Variants in DOCK6 observed in about 807,000 individuals in gnomAD.
DOCK6 encodes dedicator of cytokinesis 6.
DOCK6 carries 167 observed loss-of-function variants against 230.3 expected under a neutral mutation model. The observed-to-expected ratio is 0.73, with a 90% CI of 0.64 to 0.82. The LOEUF (loss-of-function observed/expected upper bound fraction) is 0.82, where lower values mean the gene tolerates loss of function less well. Ranked by LOEUF, DOCK6 falls within the 40% of genes least tolerant of loss-of-function variation. The pLI is 0.00. For missense variants in DOCK6, 2,598 were observed against 2,825.8 expected (o/e 0.92, Z 1.83); for synonymous variants, 1,148 against 1,185.0 (o/e 0.97, Z 0.64).
At position 11,215,386 on chromosome 19, in the gene DOCK6, C is replaced by T. The variant is rs1192375765; in HGVS notation, c.4106+1G>A. The T allele has an allele frequency of 2.5e-6, 4 of 1,613,344 alleles. No individual in the cohort carries two copies. Among genetic ancestry groups the T allele is most frequent in the Non-Finnish European group, 3.4e-6 (4 of 1,179,704 alleles). On this transcript the variant is annotated splice_donor_variant, in intron 32 of 47. Transcript: ENST00000294618. LOFTEE classifies it high-confidence loss of function. ...GCAGACACCCTCCTGCCCACACCTACTTGTCCACGCGGTCTGAGGTTTGCT... is the reference window on the plus strand; with the variant it reads ...GCAGACACCCTCCTGCCCACACCTATTTGTCCACGCGGTCTGAGGTTTGCT...
At position 11,237,773 on chromosome 19, in the gene DOCK6, G is replaced by A. The variant is rs374861502; in HGVS notation, c.1839C>T (p.Pro613=). The A allele has an allele frequency of 5.9e-5, 92 of 1,566,486 alleles. No individual in the cohort carries two copies. Among genetic ancestry groups the A allele is most frequent in the African/African-American group, 6.8e-5 (5 of 73,734 alleles). Residue 613 remains proline (P), a synonymous_variant, in exon 17 of 48, where the codon CCC becomes CCT. Coordinates refer to ENST00000294618, the MANE Select transcript of DOCK6 (RefSeq NM_020812.4). ...GCAGCTTGAACTCCTCGTAGAACTC[G>A]GGGGACCTGGCAGAATCGGGCTGGG... ...FTPVVYHNKS[P]EFYEEFKLHL... is the part of the protein sequence containing the mutation.
chr19:11,247,882 A>G (rs1291464196), intron 7 of DOCK6, 184 bp downstream of exon 7: 1 of 590,472 alleles, frequency 1.7e-6, no homozygotes, highest in Non-Finnish European at 3.1e-6. Flanking sequence ...TTGGCACTTA[A>G]GGATTGGAGA....
At position 11,243,559 on chromosome 19, in the gene DOCK6, C is replaced by G. The variant is rs775121579; in HGVS notation, c.1256G>C (p.Gly419Ala). Residue 419 changes from glycine to alanine, a missense_variant and splice_region_variant, in exon 11 of 48, where the codon GGC becomes GCC. Transcript: ENST00000294618. The surrounding 1 kb of genome is among the most constrained non-coding windows in gnomAD (Gnocchi z 6.3). Reference protein sequence around the residue: ...GQLDRDSDSEGERRPAWTDRR... With the variant: ...GQLDRDSDSEAERRPAWTDRR... ...GCCTGTTAGCCCCGCCTCCTCACCG[C>G]CCTCCGAGTCAGAGTCCCGGTCCAG... is the stretch of plus-strand genomic sequence containing the variant. The G allele has an allele frequency of 6.2e-7, 1 of 1,600,702 alleles. No individual in the cohort carries two copies. The highest frequency in any genetic ancestry group is 1.3e-5 in the African/African-American group (1 of 74,608).
At chr19:11,255,895 T>C (rs1462435944) in intron 1 of DOCK6, among the ~76,000 whole-genome samples, 1 of 152,192 alleles carries the variant, frequency 6.6e-6, no homozygotes, top group Non-Finnish European at 1.5e-5. Flanking sequence ...CACGCCATTC[T>C]CCTGCCTCAG....
At chr19:11,215,322 A>G in intron 32 of DOCK6, 65 bp downstream of exon 32, 7 of 1,460,344 alleles carry the variant, frequency 4.8e-6, no homozygotes, top group Non-Finnish European at 6.7e-6. Context: ...CCTGGACTCA[A>G]GCAATCCTCC....
intron 9 of DOCK6, among the ~76,000 whole-genome samples, chr19:11,244,548 C>T (rs1438528500): frequency 1.4e-5 from 2 of 146,398 alleles, no homozygotes; most frequent in Non-Finnish European, 3.0e-5. Flanking sequence ...GCAACCTCTG[C>T]CTCCCGGGTT....
chr19:11,232,789 A>C (rs934380619), intron 22 of DOCK6, among the ~76,000 whole-genome samples: 20 of 150,978 alleles, frequency 1.3e-4, no homozygotes, highest in Admixed American at 2.6e-4. Flanking sequence ...AGGTATATGC[A>C]TGTGGGGGTG....
chr19:11,230,112 T>C (rs1455577074), intron 22 of DOCK6, among the ~76,000 whole-genome samples: 2 of 147,848 alleles, frequency 1.4e-5, no homozygotes, highest in Non-Finnish European at 3.0e-5. Context: ...GGCAGGTAGA[T>C]CACGAGGTCA....
chr19:11,253,670 T>TG lies in DOCK6; in HGVS notation c.100dup (p.His34ProfsTer16). 3 of 1,458,618 alleles carry TG rather than the reference T, an allele frequency of 2.1e-6. No homozygotes were observed. The highest frequency in any genetic ancestry group is 2.7e-6 in the Non-Finnish European group (3 of 1,111,626). The allele number at this position is 1,458,618 out of a possible 1,614,324, so 90.4% of individuals were successfully genotyped here. ...GGAGCTGCTGCAGCGCCTGCTGGAG[T>TG]GGGGGGAGCCACTGCGTTCCCGGGA... On this transcript the variant is annotated frameshift_variant, in exon 2 of 48. Transcript: ENST00000294618. LOFTEE classifies it high-confidence loss of function.
intron 22 of DOCK6, 101 bp downstream of exon 22, chr19:11,233,102 C>T (rs1599250255): frequency 7.6e-6 from 11 of 1,450,952 alleles, no homozygotes; most frequent in East Asian, 7.4e-5. Context: ...TTCACGTTGT[C>T]GTCTCTGTTG....
chr19:11,209,051 T>G lies in DOCK6; in HGVS notation c.4804A>C (p.Asn1602His). Reference sequence around the variant, plus strand: ...AGCTCCGCGTGCTTCCCGGCCATGTTCTGCAACCAGGTCAGCCGAAGGTCC... The same window carrying G: ...AGCTCCGCGTGCTTCCCGGCCATGTGCTGCAACCAGGTCAGCCGAAGGTCC... ...SPDLRLTWLQ[N>H]MAGKHAELGN... The change falls in exon 38 of 48, where the codon AAC becomes CAC. Residue 1602 changes from asparagine (N) to histidine (H), a missense_variant. Physicochemically the swap from Asn to His is moderately conservative, Grantham distance 68. Transcript: ENST00000294618. 1 of 1,612,424 alleles carries G rather than the reference T, an allele frequency of 6.2e-7. No individual in the cohort carries two copies. The highest frequency in any genetic ancestry group is 8.5e-7 in the Non-Finnish European group (1 of 1,179,494).
chr19:11,261,389 G>A (rs1167308499), intron 1 of DOCK6, among the ~76,000 whole-genome samples: 1 of 125,900 alleles, frequency 7.9e-6, no homozygotes, highest in Non-Finnish European at 1.6e-5. Context: ...TACAGCACTT[G>A]TCACTGACAG....
chr19:11,201,999 C>T lies in DOCK6; in HGVS notation c.5578G>A (p.Gly1860Arg), dbSNP rs992035587. The change falls in exon 44 of 48, where the codon GGG (glycine) becomes AGG (arginine). Residue 1860 changes from glycine (G) to arginine (R), a missense_variant. Physicochemically the swap from Gly to Arg is moderately radical, Grantham distance 125 (BLOSUM62 -2). Coordinates refer to ENST00000294618, the MANE Select transcript of DOCK6 (RefSeq NM_020812.4). The surrounding 1 kb of genome is among the most constrained non-coding windows in gnomAD (Gnocchi z 4.3). ...FLFCTPFTPD[G>R]RAHGELPEQH... ...TCGGGCAGCTCCCCGTGTGCGCGCC[C>T]ATCCGGCGTGAACGGCGTGCAGAAC... is the stretch of plus-strand genomic sequence containing the variant. 3 of 1,614,054 alleles carry T rather than the reference C, an allele frequency of 1.9e-6. No homozygotes were observed. The highest frequency in any genetic ancestry group is 2.5e-6 in the Non-Finnish European group (3 of 1,179,900).
rs767318611 is a variant in DOCK6, at chr19:11,238,310, G to C, written c.1644-6C>G. On this transcript the variant is annotated splice_polypyrimidine_tract_variant and splice_region_variant and intron_variant, in intron 14 of 47. Transcript: ENST00000294618. Reference sequence around the variant, plus strand: ...GGTACACGTACAGCAGGTTCCTGTGGGGGGCAGGATGGGGGTGTCAGAGGG... The same window carrying C: ...GGTACACGTACAGCAGGTTCCTGTGCGGGGCAGGATGGGGGTGTCAGAGGG... 22 of 1,599,422 alleles carry C rather than the reference G, an allele frequency of 1.4e-5. No individual in the cohort carries two copies. The highest frequency in any genetic ancestry group is 1.9e-5 in the Non-Finnish European group (22 of 1,173,748).
At position 11,245,805 on chromosome 19, in the gene DOCK6, C is replaced by T; in HGVS notation, c.873+7G>A. 3 of 1,579,912 alleles carry T rather than the reference C, an allele frequency of 1.9e-6. No individual in the cohort carries two copies. Among genetic ancestry groups the T allele is most frequent in the Non-Finnish European group, 2.6e-6 (3 of 1,162,544 alleles). On this transcript the variant is annotated splice_region_variant and intron_variant, in intron 8 of 47. Transcript: ENST00000294618. ...AAGGGGAGGAAAGAGAAAAAAGGGC[C>T]TCCTACCTTCTTTTTCTCCCGCACA...
chr19:11,261,863 C>T (rs1269073703), intron 1 of DOCK6, among the ~76,000 whole-genome samples: 1 of 150,492 alleles, frequency 6.6e-6, no homozygotes, highest in Non-Finnish European at 1.5e-5. Flanking sequence ...GACAGCTGGG[C>T]ACTGGACCCT....
rs1000729310 is a variant in DOCK6, at chr19:11,236,290, A to C, written c.2392+56T>G. The stretch of plus-strand genomic sequence containing the variant: ...CTTATAGAAGATCCCTCAGGACCTC[A>C]GGACTGAGAAGCCATGTGGATGGGG... On this transcript the variant is annotated intron_variant, in intron 20 of 47. Coordinates refer to ENST00000294618, the MANE Select transcript of DOCK6 (RefSeq NM_020812.4). The surrounding 1 kb of genome is among the most constrained non-coding windows in gnomAD (Gnocchi z 5.2). The C allele has an allele frequency of 2.7e-6, 4 of 1,468,642 alleles. No individual in the cohort carries two copies. The highest frequency in any genetic ancestry group is 1.8e-4 in the Middle Eastern group (1 of 5,596). 91.0% of individuals were successfully genotyped at this position (1,468,642 alleles called of 1,614,324 possible). A position where few individuals can be genotyped will look rare whatever the true frequency, so the allele number is the denominator to read the frequency against.
rs189147964 is a variant in DOCK6 at position 11,200,685 on chromosome 19, C to T, written c.5939+31G>A. 1.8e-4 allele frequency: 293 copies of T among 1,587,748 alleles called. 1 individual carries two copies. The East Asian group carries it at 2.3e-3, about 12-fold the overall frequency. ...CAGGCCTATGCAGGTTAGGCAGACACGAGACCCCTCCTGGGGGGTTTTGCG... is the reference window on the plus strand; with the variant it reads ...CAGGCCTATGCAGGTTAGGCAGACATGAGACCCCTCCTGGGGGGTTTTGCG... On this transcript the variant is annotated intron_variant, in intron 46 of 47. Coordinates refer to ENST00000294618, the MANE Select transcript of DOCK6 (RefSeq NM_020812.4). This position sits in a 1 kb window ranked among gnomAD's most constrained non-coding sequence, Gnocchi z 4.3.
intron 21 of DOCK6, 132 bp from the exon 22 acceptor site, chr19:11,233,498 G>A (rs906895356): frequency 1.7e-6 from 2 of 1,169,568 alleles, no homozygotes; most frequent in African/African-American, 1.5e-5. Flanking sequence ...TATAAAATAG[G>A]CATAATGGCT....
Sources: gnomAD v4.1 joint callset for allele counts (sites outside exome capture counted in the v4.1 genomes callset) on GRCh38, gnomAD v4.1.1 for gene constraint, Gnocchi (gnomAD v3.1) non-coding constraint, MANE v1.5 for transcripts, NCBI Gene and HGNC (gene_info 2026-07-23, HGNC 2026-07-21) for gene names.